The following TPD52L1 variants were observed in gnomAD, a reference collection of about 807,000 sequenced individuals.
TPD52L1 encodes the protein tumor protein D53.
A neutral mutation model predicts 28.7 loss-of-function variants in TPD52L1; 18 were observed. The ratio of observed to expected loss-of-function variants is 0.63; its 90% CI spans 0.43 to 0.93. The LOEUF is 0.93. Among genes scored for constraint, TPD52L1 ranks in the 40% least tolerant of loss-of-function variants. The pLI, the probability that TPD52L1 is intolerant of heterozygous loss-of-function variation, is 0.00. For synonymous variants in TPD52L1, 75 were observed against 88.8 expected (o/e 0.84, Z 0.88); for missense variants, 203 against 254.8 (o/e 0.80, Z 1.39).
chr6:125,166,905 G>A (rs1790944527), intron 1 of TPD52L1, among the ~76,000 whole-genome samples: 1 of 152,040 alleles, frequency 6.6e-6, no homozygotes, highest in Non-Finnish European at 1.5e-5. Context: ...GTTCTTTTGG[G>A]AACCTCTGCT....
intron 1 of TPD52L1, among the ~76,000 whole-genome samples, chr6:125,155,820 C>T (rs112947434): frequency 1.2e-4 from 18 of 152,114 alleles, no homozygotes; most frequent in Non-Finnish European, 2.2e-4. Flanking sequence ...ATTTCCTGTG[C>T]GCAGCAGTCC....
At chr6:125,210,331 A>T (rs1794413007) in intron 1 of TPD52L1, among the ~76,000 whole-genome samples, 1 of 152,236 alleles carries the variant, frequency 6.6e-6, no homozygotes, top group Admixed American at 6.5e-5. Context: ...ACTTAATCTT[A>T]CTGCACTTAA....
intron 3 of TPD52L1, among the ~76,000 whole-genome samples, chr6:125,239,902 A>C (rs1796512554): frequency 6.6e-6 from 1 of 152,156 alleles, no homozygotes; most frequent in Non-Finnish European, 1.5e-5. Context: ...TCTTTGCCTA[A>C]GCCAAGGTCT....
Position 125,260,898 on chromosome 6 carries a change from GAGAAAGAAAGGAAAGAAAGAAAGA to G in TPD52L1, c.487-1925_487-1902del, listed in dbSNP as rs1562407887. ...GAAAGAAAGAAAAAGAAAAGAGAGG[GAGAAAGAAAGGAAAGAAAGAAAGA>G]AGAAAGAAAGAAAGAAAGAAAGAAA... is the stretch of plus-strand genomic sequence containing the variant. On this transcript the variant is annotated intron_variant, in intron 6 of 6. Transcript: ENST00000534000. The G allele has an allele frequency of 2.9e-4, 41 of 141,064 alleles. 4 individuals are homozygous for G. The East Asian group carries it at 7.1e-3, about 25-fold the overall frequency. The allele number at this position is 141,064 out of a possible 1,614,324, so 8.7% of individuals were successfully genotyped here.
At chr6:125,237,951 C>T (rs375776663) in intron 3 of TPD52L1, among the ~76,000 whole-genome samples, 7 of 152,176 alleles carry the variant, frequency 4.6e-5, no homozygotes, top group East Asian at 3.8e-4. Flanking sequence ...TGAGCCACGA[C>T]GCCCAGGCTT....
At position 125,186,174 on chromosome 6, in the gene TPD52L1, G is replaced by A. The variant is rs114447346; in HGVS notation, c.19+32204G>A. ...GCTGGGCTTACAAGCATGAGCCACC[G>A]TGGCTGGCCTGGAAACTAGATTTTT... On this transcript the variant is annotated intron_variant, in intron 1 of 6. Transcript: ENST00000534000. Among the ~76,000 whole-genome samples, 238 of 152,256 alleles carry A rather than the reference G, an allele frequency of 1.6e-3. 2 individuals carry two copies. The highest frequency in any genetic ancestry group is 4.9e-3 in the African/African-American group (202 of 41,534).
At chr6:125,254,394 C>T (rs1211596208) in intron 5 of TPD52L1, among the ~76,000 whole-genome samples, 2 of 152,062 alleles carry the variant, frequency 1.3e-5, no homozygotes, top group Non-Finnish European at 2.9e-5. Context: ...TCAGAAAATG[C>T]AGGCTCTAGC....
intron 3 of TPD52L1, among the ~76,000 whole-genome samples, chr6:125,239,740 C>T (rs1219020672): frequency 2.0e-5 from 3 of 152,086 alleles, no homozygotes; most frequent in Middle Eastern, 3.2e-3. Context: ...GGATATTAGT[C>T]GTTTGTCAGA....
chr6:125,200,322 G>GT (rs1181872420), intron 1 of TPD52L1, among the ~76,000 whole-genome samples: 7 of 152,254 alleles, frequency 4.6e-5, no homozygotes, highest in South Asian at 2.1e-4. Context: ...ATTTTCGTAG[G>GT]TATTTTCTTT....
chr6:125,262,882 C>G lies in TPD52L1; in HGVS notation c.535C>G (p.Leu179Val), dbSNP rs368984698. The G allele has an allele frequency of 4.1e-5, 66 of 1,614,230 alleles. 1 individual carries two copies. In the Middle Eastern group the frequency reaches 9.9e-4, roughly 24 times the overall value. ...TAATGGAGGCAGTTTTGAGGAGGTC[C>G]TCAGCTCCACGGCCCATGCCAGTGC... is the stretch of plus-strand genomic sequence containing the variant. ...NPNGGSFEEV[L>V]SSTAHASAQS... is the part of the protein sequence containing the mutation. The change falls in exon 7 of 7, where the codon CTC becomes GTC. Residue 179 changes from leucine (L) to valine (V), a missense_variant. Leu to Val is a conservative substitution (Grantham distance 32, BLOSUM62 1). Coordinates refer to ENST00000534000, the MANE Select transcript of TPD52L1 (RefSeq NM_003287.4).
chr6:125,186,240 CAG>C (rs1278493131), intron 1 of TPD52L1, among the ~76,000 whole-genome samples: 1 of 152,118 alleles, frequency 6.6e-6, no homozygotes, highest in African/African-American at 2.4e-5. Flanking sequence ...CCGTAAAGAC[CAG>C]AGAGTAAACG....
At chr6:125,185,073 T>C (rs891094488) in intron 1 of TPD52L1, among the ~76,000 whole-genome samples, 2 of 152,158 alleles carry the variant, frequency 1.3e-5, no homozygotes, top group East Asian at 1.9e-4. Flanking sequence ...GCAATTTGTA[T>C]TGGAATGAAA....
At chr6:125,229,027 C>T in intron 2 of TPD52L1, 91 bp from the exon 3 acceptor site, 4 of 1,392,828 alleles carry the variant, frequency 2.9e-6, no homozygotes, top group Non-Finnish European at 3.9e-6. Flanking sequence ...ATAGGAGGGT[C>T]AGAGGCTGCT....
chr6:125,162,076 C>T (rs1035060113), intron 1 of TPD52L1, among the ~76,000 whole-genome samples: 8 of 152,102 alleles, frequency 5.3e-5, no homozygotes, highest in Admixed American at 3.9e-4. Flanking sequence ...TAATAAACCT[C>T]AAACTATGGA....
intron 1 of TPD52L1, among the ~76,000 whole-genome samples, chr6:125,191,660 A>G (rs528487609): frequency 2.0e-5 from 3 of 152,286 alleles, no homozygotes; most frequent in Admixed American, 6.5e-5. Flanking sequence ...TGAGTGTAAG[A>G]CCAAATGAAC....
chr6:125,243,716 T>A (rs1157424318), intron 3 of TPD52L1, among the ~76,000 whole-genome samples: 1 of 152,110 alleles, frequency 6.6e-6, no homozygotes, highest in Non-Finnish European at 1.5e-5. Context: ...TTGTTTTAAG[T>A]TTCTTTAAGT....
intron 1 of TPD52L1, among the ~76,000 whole-genome samples, chr6:125,163,102 G>A (rs1213124557): frequency 1.3e-5 from 2 of 152,138 alleles, no homozygotes; most frequent in African/African-American, 2.4e-5. Flanking sequence ...ATCTTTTCAG[G>A]AGGATAGGCA....
intron 1 of TPD52L1, among the ~76,000 whole-genome samples, chr6:125,208,041 A>C (rs1794262653): frequency 1.3e-5 from 2 of 152,220 alleles, no homozygotes; most frequent in African/African-American, 4.8e-5. Flanking sequence ...AAGTTCCTGC[A>C]GTGGTAGCAG....
At chr6:125,202,333 C>T (rs1366504655) in intron 1 of TPD52L1, among the ~76,000 whole-genome samples, 1 of 152,126 alleles carries the variant, frequency 6.6e-6, no homozygotes, top group Non-Finnish European at 1.5e-5. Context: ...GATGACTCAG[C>T]ACTTTATAAG....
Sources: gnomAD v4.1 joint callset for allele counts (sites outside exome capture counted in the v4.1 genomes callset) on GRCh38, gnomAD v4.1.1 for gene constraint, MANE v1.5 for transcripts, NCBI Gene and HGNC (gene_info 2026-07-23, HGNC 2026-07-21) for gene names.